The following ADGRG6 variants were observed in gnomAD, a reference collection of about 807,000 sequenced individuals.
ADGRG6 encodes adhesion G protein-coupled receptor G6, also known as G-protein coupled receptor 126.
A neutral mutation model predicts 142.4 loss-of-function variants in ADGRG6; 84 were observed. The observed-to-expected ratio is 0.59, with a 90% confidence interval of 0.49 to 0.71. The LOEUF (loss-of-function observed/expected upper bound fraction) is 0.71. Ranked by LOEUF, ADGRG6 falls within the 30% of genes least tolerant of loss-of-function variation. The probability of loss-of-function intolerance (pLI) is 0.00; values close to 1 mark genes in which losing one functional copy is unlikely to be tolerated. For synonymous variants in ADGRG6, 521 were observed against 520.5 expected (o/e 1.00, Z -0.01); for missense variants, 1,367 against 1,466.6 (o/e 0.93, Z 1.11).
Position 142,416,031 on chromosome 6 carries a change from C to G in ADGRG6, c.2905C>G (p.Arg969Gly), listed in dbSNP as rs753135960. 5.0e-5 allele frequency: 80 copies of G among 1,612,470 alleles called. 1 individual carries two copies. In the South Asian group the frequency reaches 6.5e-4, roughly 13 times the overall value. Residue 969 changes from arginine (R) to glycine (G), a missense_variant, in exon 20 of 25, where the codon CGA becomes GGA. By Grantham distance (125) the Arg-to-Gly change is moderately radical. This residue lies in a region of ADGRG6 where 344 missense variants were observed against 348.7 expected (regional missense o/e 0.99). Coordinates refer to ENST00000367609, the MANE Select transcript of ADGRG6 (RefSeq NM_198569.3). ...TAAAGTATTTAACACTTACATTCGC[C>G]GATACATTCTAAAATTCTGCATCAT... ...LVKVFNTYIRRYILKFCIIGW... is the reference protein window; with the variant it reads ...LVKVFNTYIRGYILKFCIIGW...
intron 6 of ADGRG6, among the ~76,000 whole-genome samples, chr6:142,388,332 G>A (rs1426884945): frequency 1.3e-5 from 2 of 152,106 alleles, no homozygotes; most frequent in East Asian, 3.8e-4. Flanking sequence ...AAATGTCAAT[G>A]ATTTTTAGAA....
chr6:142,325,848 C>T (rs184336168), intron 2 of ADGRG6, among the ~76,000 whole-genome samples: 2 of 151,720 alleles, frequency 1.3e-5, no homozygotes, highest in Non-Finnish European at 2.9e-5. Context: ...TGTAATCATC[C>T]AGGAAGATAA....
At chr6:142,321,324 A>G (rs1778505795) in intron 2 of ADGRG6, among the ~76,000 whole-genome samples, 1 of 138,452 alleles carries the variant, frequency 7.2e-6, no homozygotes, top group Admixed American at 7.2e-5. Flanking sequence ...TGTATATACT[A>G]TGATTTAATA....
At chr6:142,381,849 G>T in intron 4 of ADGRG6, 102 bp from the exon 5 acceptor site, 1 of 618,010 alleles carries the variant, frequency 1.6e-6, no homozygotes, top group Admixed American at 3.0e-5. Context: ...ATTACTGGTG[G>T]ACTCTTCTAG....
rs1269447167 is a variant in ADGRG6 at position 142,386,135 on chromosome 6, C to G, written c.1222+2292C>G. On this transcript the variant is annotated intron_variant, in intron 6 of 24. Transcript: ENST00000367609. The stretch of plus-strand genomic sequence containing the variant: ...ATATCAATAGAATTTGTTTTCCTGG[C>G]TTTTGTGAAATGTCCCTGTTTTTCT... Among the ~76,000 whole-genome samples, 64 of 152,028 alleles carry G rather than the reference C, an allele frequency of 4.2e-4. 2 individuals carry two copies. The highest frequency in any genetic ancestry group is 5.9e-5 in the Non-Finnish European group (4 of 67,992).
At chr6:142,354,475 A>G (rs1000974854) in intron 2 of ADGRG6, among the ~76,000 whole-genome samples, 4 of 152,234 alleles carry the variant, frequency 2.6e-5, no homozygotes, top group East Asian at 1.9e-4. Flanking sequence ...TAAGTCTTCT[A>G]TGAAATCATT....
In ADGRG6 at chr6:142,370,357, A is replaced by G; in HGVS notation, c.633A>G (p.Gln211=). 1.2e-6 allele frequency: 2 copies of G among 1,613,614 alleles called. No individual in the cohort carries two copies. The highest frequency in any genetic ancestry group is 1.7e-6 in the Non-Finnish European group (2 of 1,179,620). Residue 211 remains glutamine, a synonymous_variant, in exon 4 of 25, where the codon CAA becomes CAG. Coordinates refer to ENST00000367609, the MANE Select transcript of ADGRG6 (RefSeq NM_198569.3). ...AFSYSNASFT[Q]LLSFGKAKSG... ...CCTACTCAAATGCATCCTTCACACA[A>G]TTGCTCAGTTTTGGAAAGGCCAAGA...
chr6:142,431,303 A>T (rs1158609557), intron 22 of ADGRG6, among the ~76,000 whole-genome samples: 2 of 152,100 alleles, frequency 1.3e-5, no homozygotes, highest in Non-Finnish European at 2.9e-5. Context: ...ACTTAATTCT[A>T]AGGAATTTTG....
At chr6:142,325,740 A>C (rs1368643049) in intron 2 of ADGRG6, among the ~76,000 whole-genome samples, 2 of 152,042 alleles carry the variant, frequency 1.3e-5, no homozygotes, top group African/African-American at 4.8e-5. Flanking sequence ...TTAAATGAAT[A>C]TTTGTAGATT....
At chr6:142,335,768 G>C (rs1018937620) in intron 2 of ADGRG6, among the ~76,000 whole-genome samples, 1 of 152,026 alleles carries the variant, frequency 6.6e-6, no homozygotes, top group Non-Finnish European at 1.5e-5. Context: ...TAGGGAAAAA[G>C]GAGAAAAAAG....
rs200015437 is a variant in ADGRG6 at position 142,312,608 on chromosome 6, G to A, written c.103+2964G>A. Among the ~76,000 whole-genome samples the A allele has an allele frequency of 3.3e-5, 5 of 152,008 alleles. No homozygotes were observed. The East Asian group carries it at 7.7e-4, about 23-fold the overall frequency. On this transcript the variant is annotated intron_variant, in intron 2 of 24. Transcript: ENST00000367609. The stretch of plus-strand genomic sequence containing the variant: ...CAATCAAAATTGTTAGGAAAAGAGT[G>A]TGCACTGACACTGTTGACTCTTTTG...
rs1040728710 is a variant in ADGRG6 at position 142,302,213 on chromosome 6, C to T, written c.-117C>T. 4.6e-5 allele frequency: 55 copies of T among 1,202,164 alleles called. No individual in the cohort carries two copies. The African/African-American group carries it at 7.2e-4, about 16-fold the overall frequency. The allele number at this position is 1,202,164 out of a possible 1,614,324, so 74.5% of individuals were successfully genotyped here. On this transcript the variant is annotated 5_prime_UTR_variant, in exon 1 of 25. Transcript: ENST00000367609. ...AGAAACGGCGTAAAGGAGGGTCCCGCCGCGGCGCAGGGCTGGGGCGCCTGG... is the reference window on the plus strand; with the variant it reads ...AGAAACGGCGTAAAGGAGGGTCCCGTCGCGGCGCAGGGCTGGGGCGCCTGG...
At chr6:142,308,038 A>G (rs1403777840) in intron 1 of ADGRG6, among the ~76,000 whole-genome samples, 2 of 152,056 alleles carry the variant, frequency 1.3e-5, no homozygotes, top group African/African-American at 4.8e-5. Flanking sequence ...GTGTTGGCAT[A>G]TGAGATTAAT....
chr6:142,307,221 G>A (rs1003796493), intron 1 of ADGRG6, among the ~76,000 whole-genome samples: 6 of 152,080 alleles, frequency 3.9e-5, no homozygotes, highest in African/African-American at 9.7e-5. Context: ...GATAATTGTC[G>A]TATGTCAAAG....
rs1777540598 is a variant in ADGRG6 at position 142,437,516 on chromosome 6, T to G, written c.3402T>G (p.Phe1134Leu). Residue 1134 changes from phenylalanine (F) to leucine (L), a missense_variant, in exon 23 of 25, where the codon TTT (phenylalanine) becomes TTG (leucine). Transcript: ENST00000367609. ...GGCAGCATCTCTGCTGTGGTAGATTTCGGTTAGCAGATAACTCAGGTAAAG... is the reference window on the plus strand; with the variant it reads ...GGCAGCATCTCTGCTGTGGTAGATTGCGGTTAGCAGATAACTCAGGTAAAG... ...QWRQHLCCGR[F>L]RLADNSDWSK... 2.0e-6 allele frequency: 3 copies of G among 1,525,776 alleles called. No individual in the cohort carries two copies. The highest frequency in any genetic ancestry group is 2.7e-6 in the Non-Finnish European group (3 of 1,099,360). The allele number at this position is 1,525,776 out of a possible 1,614,324, so 94.5% of individuals were successfully genotyped here.
intron 2 of ADGRG6, among the ~76,000 whole-genome samples, chr6:142,359,781 T>G (rs116108737): frequency 0.012 from 1,791 of 152,166 alleles, 38 homozygotes; most frequent in African/African-American, 0.04. Context: ...TGCGGGGATG[T>G]GGGGAGATGA....
intron 2 of ADGRG6, among the ~76,000 whole-genome samples, chr6:142,340,949 C>A (rs971155950): frequency 1.7e-4 from 26 of 152,008 alleles, no homozygotes; most frequent in African/African-American, 6.0e-4. Flanking sequence ...GCACTTTTAA[C>A]TTGCATAGAA....
At chr6:142,309,507 T>C (rs372487745) in intron 1 of ADGRG6, 37 bp from the exon 2 acceptor site, 22 of 1,396,118 alleles carry the variant, frequency 1.6e-5, no homozygotes, top group Non-Finnish European at 2.1e-5. Flanking sequence ...CTTTACTGAA[T>C]GTTGAATGTC....
chr6:142,334,026 A>G (rs896511843), intron 2 of ADGRG6, among the ~76,000 whole-genome samples: 50 of 152,216 alleles, frequency 3.3e-4, no homozygotes, highest in Non-Finnish European at 5.9e-4. Context: ...AAATGATATC[A>G]GATTTTTGTC....
Sources: allele counts gnomAD v4.1 joint callset (sites outside exome capture counted in the v4.1 genomes callset), GRCh38; gene constraint gnomAD v4.1.1; regional missense constraint gnomAD v4.1.1; transcripts MANE v1.5; gene names NCBI Gene and HGNC (gene_info 2026-07-23, HGNC 2026-07-21).